KCNT2: variants seen among roughly 807,000 people sequenced by gnomAD.
KCNT2 encodes potassium channel subfamily T member 2.
A neutral mutation model predicts 153.8 loss-of-function variants in KCNT2; 67 were observed. The observed-to-expected ratio is 0.44, with a 90% confidence interval of 0.36 to 0.53. The LOEUF (loss-of-function observed/expected upper bound fraction) is 0.53. KCNT2 is among the 20% of genes least tolerant of loss of function. The probability of loss-of-function intolerance (pLI) is 0.00; values close to 1 mark genes in which losing one functional copy is unlikely to be tolerated. For missense variants in KCNT2, 975 were observed against 1,354.8 expected (o/e 0.72, Z 4.40); for synonymous variants, 500 against 458.8 (o/e 1.09, Z -1.15).
chr1:196,499,026 C>A (rs1158689608), intron 1 of KCNT2, among the ~76,000 whole-genome samples: 3 of 152,078 alleles, frequency 2.0e-5, no homozygotes, highest in Non-Finnish European at 2.9e-5. Flanking sequence ...TCAAATATGA[C>A]AGATGTCTTT....
At chr1:196,443,700 C>T (rs969495667) in intron 8 of KCNT2, among the ~76,000 whole-genome samples, 3 of 151,504 alleles carry the variant, frequency 2.0e-5, no homozygotes, top group African/African-American at 7.3e-5. Flanking sequence ...TCTTATAATC[C>T]AATCCCACAA....
Position 196,326,879 on chromosome 1 carries a change from T to C in KCNT2, c.2114A>G (p.His705Arg). ...GGCTTTTGCATCCTCATAGTAGTTATGTTGGCAACTCTAGAGAAGAGAAAG... is the reference window on the plus strand; with the variant it reads ...GGCTTTTGCATCCTCATAGTAGTTACGTTGGCAACTCTAGAGAAGAGAAAG... ...CCLRLDKSCQHNYYEDAKAYG... is the reference protein window; with the variant it reads ...CCLRLDKSCQRNYYEDAKAYG... The change falls in exon 19 of 28, where the codon CAT becomes CGT. Residue 705 changes from histidine to arginine, a missense_variant. Physicochemically the swap from His to Arg is conservative, Grantham distance 29 (BLOSUM62 0). This residue lies in a region of KCNT2 where 325 missense variants were observed against 388.1 expected (regional missense o/e 0.84). Coordinates refer to ENST00000294725, the MANE Select transcript of KCNT2 (RefSeq NM_198503.5). The C allele has an allele frequency of 1.9e-6, 3 of 1,562,346 alleles. No individual in the cohort carries two copies. Among genetic ancestry groups the C allele is most frequent in the Non-Finnish European group, 2.6e-6 (3 of 1,160,308 alleles).
chr1:196,314,900 C>T (rs1042109577), intron 21 of KCNT2, among the ~76,000 whole-genome samples: 1 of 151,628 alleles, frequency 6.6e-6, no homozygotes, highest in African/African-American at 2.4e-5. Context: ...CTAAGTAAGG[C>T]ATTGCATGTT....
chr1:196,338,479 G>A (rs996645047), intron 16 of KCNT2, among the ~76,000 whole-genome samples: 3 of 151,988 alleles, frequency 2.0e-5, no homozygotes, highest in African/African-American at 7.2e-5. Flanking sequence ...TATATAAACT[G>A]AACAATCCTA....
intron 22 of KCNT2, among the ~76,000 whole-genome samples, chr1:196,292,495 G>T (rs1660272685): frequency 6.6e-6 from 1 of 152,142 alleles, no homozygotes; most frequent in Non-Finnish European, 1.5e-5. Flanking sequence ...AGAAAAAGAA[G>T]TAAAAGGCAT....
rs74983880 is a variant in KCNT2 at position 196,539,776 on chromosome 1, C to A, written c.96-47435G>T. Among the ~76,000 whole-genome samples the A allele has an allele frequency of 4.5e-3, 677 of 151,736 alleles. 4 individuals are homozygous for A. Among genetic ancestry groups the A allele is most frequent in the African/African-American group, 0.016 (651 of 41,432 alleles). On this transcript the variant is annotated intron_variant, in intron 1 of 27. Transcript: ENST00000294725. Reference sequence around the variant, plus strand: ...TCTCTGATGTCTAAAGGTAATTCAGCAAATCTTTTAGTTACTAGCCACTAA... The same window carrying A: ...TCTCTGATGTCTAAAGGTAATTCAGAAAATCTTTTAGTTACTAGCCACTAA...
intron 18 of KCNT2, among the ~76,000 whole-genome samples, chr1:196,329,599 A>G (rs1158645513): frequency 6.6e-6 from 1 of 151,736 alleles, no homozygotes; most frequent in Non-Finnish European, 1.5e-5. Context: ...ATATTATTTT[A>G]AGATTTATCC....
intron 21 of KCNT2, among the ~76,000 whole-genome samples, chr1:196,315,595 G>A (rs1359307432): frequency 6.6e-6 from 1 of 151,504 alleles, no homozygotes; most frequent in Non-Finnish European, 1.5e-5. Flanking sequence ...TGGGCTGCTT[G>A]TCAAAACTCA....
At chr1:196,537,572 C>T (rs1572757386) in intron 1 of KCNT2, among the ~76,000 whole-genome samples, 1 of 152,156 alleles carries the variant, frequency 6.6e-6, no homozygotes, top group Non-Finnish European at 1.5e-5. Flanking sequence ...ACGCCAGGAA[C>T]CTTGGCCAGT....
rs141428716 is a variant in KCNT2, at chr1:196,565,126, A to G, written c.95+43089T>C. ...AAAAAAACAAATCAATAGCAAAAAA[A>G]AAAAGCAATTTACAAATGGGTTTCT... is the stretch of plus-strand genomic sequence containing the variant. On this transcript the variant is annotated intron_variant, in intron 1 of 27. Transcript: ENST00000294725. Among the ~76,000 whole-genome samples the G allele has an allele frequency of 4.2e-3, 642 of 151,864 alleles. 17 individuals carry two copies. In the East Asian group the frequency reaches 0.045, roughly 11 times the overall value.
intron 26 of KCNT2, among the ~76,000 whole-genome samples, chr1:196,251,769 A>T (rs1243113660): frequency 6.6e-6 from 1 of 152,036 alleles, no homozygotes; most frequent in African/African-American, 2.4e-5. Flanking sequence ...TGGTTATAAC[A>T]CAAAGAAATA....
chr1:196,245,277 G>C (rs1655336683), intron 26 of KCNT2, among the ~76,000 whole-genome samples: 1 of 151,952 alleles, frequency 6.6e-6, no homozygotes, highest in South Asian at 2.1e-4. Context: ...GATTGCTTGA[G>C]CCCGGGAGTT....
At chr1:196,518,677 GA>G (rs959678425) in intron 1 of KCNT2, among the ~76,000 whole-genome samples, 1 of 151,300 alleles carries the variant, frequency 6.6e-6, no homozygotes, top group East Asian at 1.9e-4. Flanking sequence ...AAAAATGATG[GA>G]AAAAAAAGCA....
chr1:196,330,867 G>T (rs1252327376), intron 18 of KCNT2, among the ~76,000 whole-genome samples: 4 of 151,884 alleles, frequency 2.6e-5, no homozygotes, highest in Admixed American at 6.6e-5. Flanking sequence ...TGGAGACTTT[G>T]GTTGTTGAGG....
In KCNT2 at chr1:196,267,399, A is replaced by G. The variant is rs144459675; in HGVS notation, c.2911-8905T>C. On this transcript the variant is annotated intron_variant, in intron 25 of 27. Transcript: ENST00000294725. ...TGTCAGTATCCACAATGTTAAGACA[A>G]AACTAACATTTTTAGGCCTTTTGGG... is the stretch of plus-strand genomic sequence containing the variant. 3.9e-4 allele frequency among the ~76,000 whole-genome samples: 59 copies of G among 152,292 alleles called. 1 individual carries two copies. The East Asian group carries it at 0.011, about 28-fold the overall frequency.
chr1:196,314,708 G>A (rs1280207425), intron 21 of KCNT2, among the ~76,000 whole-genome samples: 4 of 151,594 alleles, frequency 2.6e-5, no homozygotes, highest in African/African-American at 9.7e-5. Flanking sequence ...AGGTTAGGAA[G>A]GTCACAAAGT....
rs189604156 is a variant in KCNT2 at position 196,493,331 on chromosome 1, T to C, written c.96-990A>G. 1.5e-4 allele frequency among the ~76,000 whole-genome samples: 21 copies of C among 144,202 alleles called. No individual in the cohort carries two copies. The East Asian group carries it at 4.8e-3, about 33-fold the overall frequency. The allele number at this position is 144,202 out of a possible 152,430, so 94.6% of individuals were successfully genotyped here. A position where few individuals can be genotyped will look rare whatever the true frequency, so the allele number is the denominator to read the frequency against. On this transcript the variant is annotated intron_variant, in intron 1 of 27. Transcript: ENST00000294725. ...AGCCAGATAAGGTTTGGGGGTCTTT[T>C]TTTTGGGGGGGAGATTTTTGGTTTT...
At chr1:196,360,582 T>C (rs2148268924) in intron 14 of KCNT2, among the ~76,000 whole-genome samples, 1 of 152,146 alleles carries the variant, frequency 6.6e-6, no homozygotes, top group East Asian at 1.9e-4. Flanking sequence ...GAGATGTGAT[T>C]AAATTGAGAC....
At chr1:196,435,133 GTGTATGTATATATATATA>G (rs1321450838) in intron 8 of KCNT2, among the ~76,000 whole-genome samples, 4 of 87,876 alleles carry the variant, frequency 4.6e-5, no homozygotes, top group African/African-American at 1.6e-4. Flanking sequence ...ATGTGTGTGT[GTGTATGTATATATATATA>G]TATATATATA....
Sources: gnomAD v4.1 joint callset for allele counts (sites outside exome capture counted in the v4.1 genomes callset) on GRCh38, gnomAD v4.1.1 for gene constraint, gnomAD v4.1.1 regional missense constraint, MANE v1.5 for transcripts, NCBI Gene and HGNC (gene_info 2026-07-23, HGNC 2026-07-21) for gene names.